The following CAPRIN1 variants were observed in gnomAD, a reference collection of about 807,000 sequenced individuals.
CAPRIN1 encodes caprin-1.
In CAPRIN1, 29 loss-of-function variants were observed where a neutral mutation model predicts 100.9. The ratio of observed to expected loss-of-function variants is 0.29; its 90% CI spans 0.21 to 0.39. CAPRIN1 has a LOEUF of 0.39. Among genes scored for constraint, CAPRIN1 ranks in the 10% least tolerant of loss-of-function variants. The probability of loss-of-function intolerance (pLI) is 1.00; values close to 1 mark genes in which losing one functional copy is unlikely to be tolerated. For synonymous variants in CAPRIN1, 338 were observed against 307.5 expected, an observed-to-expected ratio of 1.10 and a Z score of -1.04; for missense variants, 795 against 876.7, an observed-to-expected ratio of 0.91 and a Z score of 1.18.
At chr11:34,059,505 T>C (rs1184583953) in intron 2 of CAPRIN1, among the ~76,000 whole-genome samples, 1 of 152,220 alleles carries the variant, frequency 6.6e-6, no homozygotes, top group East Asian at 1.9e-4. Flanking sequence ...CCTGACCTTG[T>C]GATCTGCCTG....
chr11:34,082,603 C>T (rs1353888912), intron 7 of CAPRIN1, among the ~76,000 whole-genome samples: 1 of 152,130 alleles, frequency 6.6e-6, no homozygotes, highest in Non-Finnish European at 1.5e-5. Flanking sequence ...TGTCAGCATC[C>T]CCCCAACCAG....
chr11:34,098,977 T>C (rs1349141038), intron 18 of CAPRIN1: 1 of 1,163,094 alleles, frequency 8.6e-7, no homozygotes, highest in Admixed American at 4.1e-5. Context: ...CTTGTCTGTC[T>C]TCTCTGCTGT....
chr11:34,062,036 A>G (rs1314042051), intron 2 of CAPRIN1, among the ~76,000 whole-genome samples: 1 of 151,928 alleles, frequency 6.6e-6, no homozygotes, highest in African/African-American at 2.4e-5. Flanking sequence ...CTGGAACAGC[A>G]TAGACTCCCG....
chr11:34,089,625 T>C (rs1056612463), intron 12 of CAPRIN1, among the ~76,000 whole-genome samples, 169 bp downstream of exon 12: 4 of 152,116 alleles, frequency 2.6e-5, no homozygotes, highest in Non-Finnish European at 5.9e-5. Context: ...AATTAAAAAA[T>C]ATTTTTTCAC....
intron 17 of CAPRIN1, 55 bp downstream of exon 17, chr11:34,097,351 A>T: frequency 7.4e-7 from 1 of 1,352,172 alleles, no homozygotes; most frequent in African/African-American, 1.4e-5. Context: ...AATGAAAGTG[A>T]CTTAGTGTTG....
In CAPRIN1 at chr11:34,093,640, T is replaced by C. The variant is rs189724543; in HGVS notation, c.1705+1584T>C. On this transcript the variant is annotated intron_variant, in intron 15 of 18. Coordinates refer to ENST00000341394, the MANE Select transcript of CAPRIN1 (RefSeq NM_005898.5). ...TATGAAGCTCGAATCTTCCATACTC[T>C]GATAGAAGTTATCAGTTATACTATG... Among the ~76,000 whole-genome samples, 98 of 152,332 alleles carry C rather than the reference T, an allele frequency of 6.4e-4. 1 individual carries two copies. In the East Asian group the frequency reaches 6.9e-3, roughly 11 times the overall value.
chr11:34,052,239 C>T (rs1486123730), intron 1 of CAPRIN1, 182 bp from the exon 2 acceptor site: 2 of 187,256 alleles, frequency 1.1e-5, no homozygotes, highest in Non-Finnish European at 1.8e-5. Context: ...GCCCCGCTGG[C>T]GGGTCGCGCG....
At chr11:34,084,783 C>A (rs1371996103) in intron 9 of CAPRIN1, among the ~76,000 whole-genome samples, 2 of 152,156 alleles carry the variant, frequency 1.3e-5, no homozygotes, top group African/African-American at 4.8e-5. Flanking sequence ...TAGAAATGAA[C>A]TATTAACATA....
At chr11:34,058,862 G>A (rs955568925) in intron 2 of CAPRIN1, among the ~76,000 whole-genome samples, 7 of 152,208 alleles carry the variant, frequency 4.6e-5, no homozygotes, top group Admixed American at 2.6e-4. Context: ...AGCATTACCA[G>A]TAGAGAGAAA....
intron 2 of CAPRIN1, among the ~76,000 whole-genome samples, chr11:34,054,964 G>A (rs1850418317): frequency 6.6e-6 from 1 of 152,066 alleles, no homozygotes; most frequent in African/African-American, 2.4e-5. Flanking sequence ...TATAAAGGTA[G>A]GTGCTGATTG....
intron 6 of CAPRIN1, 79 bp downstream of exon 6, chr11:34,076,721 G>T: frequency 9.9e-7 from 1 of 1,014,900 alleles, no homozygotes; most frequent in Non-Finnish European, 1.5e-6. Flanking sequence ...TAGTTCACTT[G>T]GAAGAAAAAA....
In CAPRIN1 at chr11:34,099,558, T is replaced by G. The variant is rs1453085469; in HGVS notation, c.*191T>G. 1 of 606,118 alleles carries G rather than the reference T, an allele frequency of 1.6e-6. No individual in the cohort carries two copies. The highest frequency in any genetic ancestry group is 3.0e-6 in the Non-Finnish European group (1 of 338,684). The allele number at this position is 606,118 out of a possible 1,614,324, so 37.5% of individuals were successfully genotyped here. ...ACCTGGATATGGAAGGAAACTATTT[T>G]TACTCTGCATGTTCTGTCCTAAGCG... On this transcript the variant is annotated 3_prime_UTR_variant, in exon 19 of 19. Coordinates refer to ENST00000341394, the MANE Select transcript of CAPRIN1 (RefSeq NM_005898.5).
At chr11:34,096,457 C>T in intron 15 of CAPRIN1, 22 bp from the exon 16 acceptor site, 4 of 1,592,168 alleles carry the variant, frequency 2.5e-6, no homozygotes, top group Non-Finnish European at 3.4e-6. Context: ...ATGTATATAT[C>T]TTTTTCTTTT....
chr11:34,055,401 C>CA (rs938830304), intron 2 of CAPRIN1, among the ~76,000 whole-genome samples: 6 of 152,210 alleles, frequency 3.9e-5, no homozygotes, highest in African/African-American at 1.4e-4. Flanking sequence ...CGGTTCACTG[C>CA]AACCTCCGCC....
At chr11:34,086,750 G>T (rs1851154175) in intron 11 of CAPRIN1, among the ~76,000 whole-genome samples, 1 of 152,162 alleles carries the variant, frequency 6.6e-6, no homozygotes, top group Non-Finnish European at 1.5e-5. Context: ...TCAATCACTA[G>T]TTACCCTCAC....
chr11:34,084,031 T>G (rs1462698654), intron 9 of CAPRIN1, among the ~76,000 whole-genome samples: 3 of 152,052 alleles, frequency 2.0e-5, no homozygotes. Context: ...ATCGTGCCAC[T>G]GCATTCCAAC....
At chr11:34,068,690 C>CT (rs1457063985) in intron 2 of CAPRIN1, among the ~76,000 whole-genome samples, 37 of 152,310 alleles carry the variant, frequency 2.4e-4, no homozygotes, top group Non-Finnish European at 5.0e-4. Context: ...ATTAAACAAA[C>CT]TATATGTTCA....
chr11:34,089,836 T>C (rs985496157), intron 12 of CAPRIN1, among the ~76,000 whole-genome samples: 2 of 146,872 alleles, frequency 1.4e-5, no homozygotes, highest in East Asian at 3.9e-4. Context: ...AATAATGTAT[T>C]ATAATATAAT....
chr11:34,099,775 A>T lies in CAPRIN1; in HGVS notation c.*408A>T, dbSNP rs916459044. ...TATTCAATGATAACTGACAAACTAA[A>T]TTATTTCCCTAGAAAGGAAGATGAA... On this transcript the variant is annotated 3_prime_UTR_variant, in exon 19 of 19. Coordinates refer to ENST00000341394, the MANE Select transcript of CAPRIN1 (RefSeq NM_005898.5). 4 of 162,028 alleles carry T rather than the reference A, an allele frequency of 2.5e-5. No homozygotes were observed. Among genetic ancestry groups the T allele is most frequent in the Non-Finnish European group, 5.4e-5 (4 of 74,246 alleles). The allele number at this position is 162,028 out of a possible 1,614,324, so 10.0% of individuals were successfully genotyped here.
Sources: allele counts gnomAD v4.1 joint callset (sites outside exome capture counted in the v4.1 genomes callset), GRCh38; gene constraint gnomAD v4.1.1; transcripts MANE v1.5; gene names NCBI Gene and HGNC (gene_info 2026-07-23, HGNC 2026-07-21).